Variants in B3GALT1 observed in about 807,000 individuals in gnomAD.
The protein encoded by B3GALT1 is UDP-Gal:betaGlcNAc beta 1,3-galactosyltransferase, polypeptide 1.
B3GALT1 carries 10 observed loss-of-function variants against 23.2 expected under a neutral mutation model. The observed-to-expected ratio is 0.43, with a 90% CI of 0.27 to 0.73. The LOEUF is 0.73. B3GALT1 is among the 30% of genes least tolerant of loss of function. B3GALT1 has a pLI of 0.21. For synonymous variants in B3GALT1, 156 were observed against 141.5 expected, an observed-to-expected ratio of 1.10 and a Z score of -0.73; for missense variants, 299 against 405.4, an observed-to-expected ratio of 0.74 and a Z score of 2.25.
intron 1 of B3GALT1, among the ~76,000 whole-genome samples, chr2:167,449,361 T>C (rs1433354259): frequency 1.3e-5 from 2 of 152,266 alleles, no homozygotes; most frequent in East Asian, 3.9e-4. Context: ...TTTGAAGCTA[T>C]TGTAAAAGGT....
At chr2:167,555,222 T>G (rs959116668) in intron 2 of B3GALT1, among the ~76,000 whole-genome samples, 1 of 152,202 alleles carries the variant, frequency 6.6e-6, no homozygotes, top group Non-Finnish European at 1.5e-5. Context: ...AGTTATTGAA[T>G]GCATTGCACT....
rs1036906889 is a variant in B3GALT1, at chr2:167,872,046, C to T, written c.*2026C>T. The T allele has an allele frequency of 6.6e-6, 1 of 151,100 alleles. No individual in the cohort carries two copies. The highest frequency in any genetic ancestry group is 2.4e-5 in the African/African-American group (1 of 41,156). The allele number at this position is 151,100 out of a possible 1,614,324, so 9.4% of individuals were successfully genotyped here. A position where few individuals can be genotyped will look rare whatever the true frequency, so the allele number is the denominator to read the frequency against. On this transcript the variant is annotated 3_prime_UTR_variant, in exon 5 of 5. Transcript: ENST00000392690. ...CCTCCCGAGTAGCTGGGACTACAGG[C>T]GCCCGCCATCACGCCCGGCTAATTT...
At chr2:167,854,764 G>A (rs1334368242) in intron 4 of B3GALT1, among the ~76,000 whole-genome samples, 2 of 152,176 alleles carry the variant, frequency 1.3e-5, no homozygotes, top group East Asian at 3.8e-4. Context: ...GGGGGAATTG[G>A]AACAGGAGAG....
intron 3 of B3GALT1, among the ~76,000 whole-genome samples, chr2:167,707,746 T>C (rs1240367325): frequency 6.6e-6 from 1 of 152,166 alleles, no homozygotes; most frequent in African/African-American, 2.4e-5. Flanking sequence ...AAATCCCCTT[T>C]CCATGTAACC....
At chr2:167,687,254 A>C (rs574832026) in intron 3 of B3GALT1, among the ~76,000 whole-genome samples, 1 of 152,304 alleles carries the variant, frequency 6.6e-6, no homozygotes, top group East Asian at 1.9e-4. Flanking sequence ...TCATTGAAAG[A>C]GAGAACTTGA....
chr2:167,374,503 C>G (rs1045790294), intron 1 of B3GALT1, among the ~76,000 whole-genome samples: 3 of 152,136 alleles, frequency 2.0e-5, no homozygotes, highest in African/African-American at 7.2e-5. Context: ...ATTCCCTTTT[C>G]TCTACAGTTA....
At chr2:167,740,999 C>G (rs1018885416) in intron 3 of B3GALT1, among the ~76,000 whole-genome samples, 2 of 152,162 alleles carry the variant, frequency 1.3e-5, no homozygotes, top group African/African-American at 4.8e-5. Flanking sequence ...GCACAGGACT[C>G]AAGCCAAGAC....
At chr2:167,647,449 G>T (rs1397314149) in intron 3 of B3GALT1, among the ~76,000 whole-genome samples, 1 of 152,140 alleles carries the variant, frequency 6.6e-6, no homozygotes, top group East Asian at 1.9e-4. Flanking sequence ...TGTAGAAATA[G>T]ACAAATGCAA....
In B3GALT1 at chr2:167,494,058, T is replaced by C. The variant is rs561863566; in HGVS notation, c.-410+3781T>C. On this transcript the variant is annotated intron_variant, in intron 2 of 4. Coordinates refer to ENST00000392690, the MANE Select transcript of B3GALT1 (RefSeq NM_020981.4). ...CTAAATATAGGAAACCAAGAGAGTA[T>C]GCCAACAAGATTGAGTAACTTTATG... Among the ~76,000 whole-genome samples, 7 of 152,204 alleles carry C rather than the reference T, an allele frequency of 4.6e-5. No homozygotes were observed. The South Asian group carries it at 1.2e-3, about 27-fold the overall frequency.
At chr2:167,783,750 G>T (rs1357826463) in intron 3 of B3GALT1, among the ~76,000 whole-genome samples, 1 of 152,160 alleles carries the variant, frequency 6.6e-6, no homozygotes, top group Non-Finnish European at 1.5e-5. Flanking sequence ...TGCCCCTCTA[G>T]CTAATCTCGG....
chr2:167,315,688 TTAACTCAG>T (rs1327549998), intron 1 of B3GALT1, among the ~76,000 whole-genome samples: 1 of 152,176 alleles, frequency 6.6e-6, no homozygotes, highest in African/African-American at 2.4e-5. Flanking sequence ...ACAGTGCCAT[TTAACTCAG>T]TAAGTCGAGC....
chr2:167,392,273 A>G (rs578156136), intron 1 of B3GALT1, among the ~76,000 whole-genome samples: 2 of 152,102 alleles, frequency 1.3e-5, no homozygotes, highest in Non-Finnish European at 2.9e-5. Flanking sequence ...CATTAGGAAT[A>G]TGGAAGAATC....
intron 2 of B3GALT1, among the ~76,000 whole-genome samples, chr2:167,562,973 C>G (rs576161617): frequency 6.6e-6 from 1 of 152,276 alleles, no homozygotes; most frequent in East Asian, 1.9e-4. Flanking sequence ...GGGGCAAGGT[C>G]ACCGATCAAC....
At chr2:167,647,124 C>G (rs1280470708) in intron 3 of B3GALT1, among the ~76,000 whole-genome samples, 158 bp downstream of exon 3, 2 of 152,168 alleles carry the variant, frequency 1.3e-5, no homozygotes, top group Non-Finnish European at 2.9e-5. Context: ...CATGAACCTT[C>G]TCAAGTATAT....
At chr2:167,607,803 T>C (rs1684992947) in intron 2 of B3GALT1, among the ~76,000 whole-genome samples, 1 of 152,178 alleles carries the variant, frequency 6.6e-6, no homozygotes, top group Non-Finnish European at 1.5e-5. Context: ...TAGAAACTCT[T>C]AGGGCTGAGC....
chr2:167,402,564 G>C (rs753461370), intron 1 of B3GALT1, among the ~76,000 whole-genome samples: 1 of 152,050 alleles, frequency 6.6e-6, no homozygotes, highest in Non-Finnish European at 1.5e-5. Flanking sequence ...AGTTATGAAG[G>C]TTTTTTAATT....
chr2:167,531,431 G>T (rs546865527), intron 2 of B3GALT1, among the ~76,000 whole-genome samples: 1 of 152,086 alleles, frequency 6.6e-6, no homozygotes, highest in African/African-American at 2.4e-5. Flanking sequence ...CAACCACCAG[G>T]TGTGAAGATT....
chr2:167,809,831 G>A (rs189595822), intron 3 of B3GALT1, among the ~76,000 whole-genome samples: 5,030 of 152,124 alleles, frequency 0.033, 122 homozygotes, highest in South Asian at 0.069. Flanking sequence ...GGACATTTAA[G>A]TCTGCAGAGG....
chr2:167,515,062 G>A (rs1700080086), intron 2 of B3GALT1, among the ~76,000 whole-genome samples: 1 of 152,060 alleles, frequency 6.6e-6, no homozygotes, highest in Admixed American at 6.6e-5. Context: ...TAATTTTGAA[G>A]CTAATTTGTC....
Sources: gnomAD v4.1 joint callset for allele counts (sites outside exome capture counted in the v4.1 genomes callset) on GRCh38, gnomAD v4.1.1 for gene constraint, MANE v1.5 for transcripts, NCBI Gene and HGNC (gene_info 2026-07-23, HGNC 2026-07-21) for gene names.